Variants in TOX observed in about 807,000 individuals in gnomAD.
The protein encoded by TOX is thymocyte selection-associated high mobility group box protein TOX.
In TOX, 11 loss-of-function variants were observed where a neutral mutation model predicts 53.7. That is an observed-to-expected ratio of 0.20 (90% confidence interval 0.13 to 0.34). The LOEUF is 0.34. Among genes scored for constraint, TOX ranks in the 10% least tolerant of loss-of-function variants. The probability of loss-of-function intolerance (pLI) is 1.00; values close to 1 mark genes in which losing one functional copy is unlikely to be tolerated. For missense variants in TOX, 570 were observed against 664.6 expected (o/e 0.86, Z 1.56); for synonymous variants, 225 against 245.3 (o/e 0.92, Z 0.77).
chr8:58,846,844 G>GT (rs1474420965), intron 4 of TOX, among the ~76,000 whole-genome samples: 1 of 152,114 alleles, frequency 6.6e-6, no homozygotes, highest in African/African-American at 2.4e-5. Context: ...AAATCAAGAC[G>GT]TAAAAGATTA....
intron 5 of TOX, among the ~76,000 whole-genome samples, chr8:58,829,755 A>T (rs1243453628): frequency 6.6e-6 from 1 of 152,204 alleles, no homozygotes; most frequent in South Asian, 2.1e-4. Flanking sequence ...ATGTCTGAAG[A>T]AAGGCCTCAA....
At chr8:59,085,672 GC>G (rs1804494658) in intron 1 of TOX, among the ~76,000 whole-genome samples, 1 of 152,216 alleles carries the variant, frequency 6.6e-6, no homozygotes, top group Non-Finnish European at 1.5e-5. Context: ...ACAGGCGTGA[GC>G]CACTGTGCCC....
intron 2 of TOX, among the ~76,000 whole-genome samples, chr8:58,944,044 G>T (rs970400545): frequency 6.6e-6 from 1 of 152,224 alleles, no homozygotes; most frequent in Non-Finnish European, 1.5e-5. Flanking sequence ...ATGATTCAAA[G>T]AACTCAAAAT....
intron 3 of TOX, among the ~76,000 whole-genome samples, chr8:58,928,304 G>A (rs1392055579): frequency 6.6e-6 from 1 of 152,158 alleles, no homozygotes; most frequent in Non-Finnish European, 1.5e-5. Flanking sequence ...GCTGCTTTGG[G>A]GAAAGAAAAA....
intron 3 of TOX, among the ~76,000 whole-genome samples, chr8:58,853,307 C>T (rs1218289506): frequency 2.0e-5 from 3 of 152,140 alleles, no homozygotes; most frequent in African/African-American, 7.2e-5. Context: ...CTGTATTCCT[C>T]CAAGCCTTCA....
intron 1 of TOX, among the ~76,000 whole-genome samples, chr8:59,053,918 C>T (rs1382216415): frequency 2.6e-5 from 4 of 152,166 alleles, no homozygotes; most frequent in Non-Finnish European, 4.4e-5. Context: ...ATATATCATA[C>T]ATTTTCAAAA....
At chr8:58,947,741 A>C (rs1032102997) in intron 2 of TOX, among the ~76,000 whole-genome samples, 1 of 152,236 alleles carries the variant, frequency 6.6e-6, no homozygotes, top group Non-Finnish European at 1.5e-5. Flanking sequence ...GAATTACTTG[A>C]AGCTGGGATG....
At chr8:59,067,995 G>C (rs1316502897) in intron 1 of TOX, among the ~76,000 whole-genome samples, 2 of 152,160 alleles carry the variant, frequency 1.3e-5, no homozygotes, top group Admixed American at 6.5e-5. Flanking sequence ...AATTAATAAA[G>C]TAACTTGTGA....
chr8:58,858,956 A>T (rs988547799), intron 3 of TOX, among the ~76,000 whole-genome samples: 9 of 152,180 alleles, frequency 5.9e-5, no homozygotes, highest in African/African-American at 2.2e-4. Flanking sequence ...TTGATTACAT[A>T]TTTTTGCCAG....
At chr8:59,103,860 A>T (rs1804850745) in intron 1 of TOX, among the ~76,000 whole-genome samples, 1 of 152,228 alleles carries the variant, frequency 6.6e-6, no homozygotes, top group Non-Finnish European at 1.5e-5. Context: ...ATTAGAACAG[A>T]TTGGAAGTTA....
chr8:58,926,700 A>G (rs1478783253), intron 3 of TOX, among the ~76,000 whole-genome samples: 1 of 152,204 alleles, frequency 6.6e-6, no homozygotes, highest in East Asian at 1.9e-4. Context: ...TAAATTTTTT[A>G]TACTGTCGAT....
intron 1 of TOX, among the ~76,000 whole-genome samples, chr8:59,055,897 C>G (rs1490064138): frequency 6.6e-6 from 1 of 152,068 alleles, no homozygotes; most frequent in Non-Finnish European, 1.5e-5. Flanking sequence ...AACAAGACTA[C>G]AGGGAGAACA....
At chr8:58,892,808 G>A (rs181278743) in intron 3 of TOX, among the ~76,000 whole-genome samples, 2 of 152,212 alleles carry the variant, frequency 1.3e-5, no homozygotes, top group Admixed American at 1.3e-4. Context: ...GTACGACCTT[G>A]GGCAAGTCAC....
chr8:59,056,289 T>G (rs1450868070), intron 1 of TOX, among the ~76,000 whole-genome samples: 1 of 150,446 alleles, frequency 6.6e-6, no homozygotes, highest in Non-Finnish European at 1.5e-5. Context: ...AAAACTAGAC[T>G]GGTATAGTAG....
intron 2 of TOX, among the ~76,000 whole-genome samples, chr8:58,951,735 G>A (rs532378534): frequency 5.3e-5 from 8 of 152,160 alleles, no homozygotes; most frequent in Non-Finnish European, 8.8e-5. Flanking sequence ...CATGACCATC[G>A]GAACCCTTGG....
chr8:59,060,702 G>A (rs567301412), intron 1 of TOX, among the ~76,000 whole-genome samples: 1 of 152,292 alleles, frequency 6.6e-6, no homozygotes, highest in South Asian at 2.1e-4. Context: ...GCCAATGTTT[G>A]TTTTATACCT....
intron 1 of TOX, among the ~76,000 whole-genome samples, chr8:59,040,052 G>C (rs1176935391): frequency 2.0e-5 from 3 of 152,162 alleles, no homozygotes; most frequent in Non-Finnish European, 4.4e-5. Flanking sequence ...AGCATCGGCC[G>C]GGCGCGGCGG....
At chr8:58,897,521 A>G (rs936669734) in intron 3 of TOX, among the ~76,000 whole-genome samples, 7 of 152,212 alleles carry the variant, frequency 4.6e-5, no homozygotes, top group African/African-American at 1.7e-4. Context: ...TGCAACATCA[A>G]CTAAAACTCA....
intron 3 of TOX, among the ~76,000 whole-genome samples, chr8:58,873,462 A>G (rs2129170193): frequency 6.6e-6 from 1 of 152,250 alleles, no homozygotes; most frequent in Non-Finnish European, 1.5e-5. Flanking sequence ...AAGAGCTGGA[A>G]ACATGGACCC....
Sources: allele counts gnomAD v4.1 joint callset (sites outside exome capture counted in the v4.1 genomes callset), GRCh38; gene constraint gnomAD v4.1.1; transcripts MANE v1.5; gene names NCBI Gene and HGNC (gene_info 2026-07-23, HGNC 2026-07-21).